NPY1R: variants seen among roughly 807,000 people sequenced by gnomAD.
The protein encoded by NPY1R is neuropeptide Y receptor Y1.
A neutral mutation model predicts 24.1 loss-of-function variants in NPY1R; 10 were observed. The ratio of observed to expected loss-of-function variants is 0.42; its 90% CI spans 0.26 to 0.71. NPY1R has a LOEUF of 0.71. Ranked by LOEUF, NPY1R falls within the 30% of genes least tolerant of loss-of-function variation. The probability of loss-of-function intolerance (pLI) is 0.28; values close to 1 mark genes in which losing one functional copy is unlikely to be tolerated. For synonymous variants in NPY1R, 168 were observed against 165.9 expected, an observed-to-expected ratio of 1.01 and a Z score of -0.10; for missense variants, 350 against 458.0, an observed-to-expected ratio of 0.76 and a Z score of 2.15.
rs1734604532 is a variant in NPY1R at position 163,326,255 on chromosome 4, G to A, written c.300C>T (p.Tyr100=). 2 of 1,614,026 alleles carry A rather than the reference G, an allele frequency of 1.2e-6. No homozygotes were observed. Among genetic ancestry groups the A allele is most frequent in the African/African-American group, 1.3e-5 (1 of 74,922 alleles). ...AIMCLPFTFV[Y]TLMDHWVFGE... ...CAAAGACCCAGTGGTCCATTAATGT[G>A]TAGACAAATGTAAAGGGGAGACACA... Residue 100 remains tyrosine, a synonymous_variant, in exon 2 of 3, where the codon TAC becomes TAT. Transcript: ENST00000296533.
intron 1 of NPY1R, among the ~76,000 whole-genome samples, chr4:163,329,616 AAG>A (rs946729386): frequency 6.6e-6 from 1 of 151,956 alleles, no homozygotes; most frequent in Non-Finnish European, 1.5e-5. Context: ...AAAAAAAAGA[AAG>A]AGAAACTGGG....
intron 1 of NPY1R, chr4:163,344,271 C>G (rs1203463477): frequency 6.6e-6 from 1 of 152,334 alleles, no homozygotes; most frequent in Admixed American, 6.5e-5. Flanking sequence ...TGAATTCTTT[C>G]GTGCCGAGCA....
upstream of NPY1R, among the ~76,000 whole-genome samples, chr4:163,334,861 GAAAAA>G (rs545497813): frequency 1.5e-5 from 1 of 66,906 alleles, no homozygotes; most frequent in African/African-American, 5.6e-5. Flanking sequence ...CTCTGTTTTG[GAAAAA>G]AAAAAAAAAA....
chr4:163,334,277 A>T (rs6536720), upstream of NPY1R, among the ~76,000 whole-genome samples: 134,804 of 152,296 alleles, frequency 0.89, 59,871 homozygotes, highest in East Asian at 0.99. Context: ...TGTAGAAACT[A>T]TTATTATGTC....
Position 163,325,258 on chromosome 4 carries a change from TGTTTTTA to T in NPY1R, c.*38_*44del. On this transcript the variant is annotated 3_prime_UTR_variant, in exon 3 of 3. Coordinates refer to ENST00000296533, the MANE Select transcript of NPY1R (RefSeq NM_000909.6). ...ATCAAAGTATGTTGCAGGTTGTGCT[TGTTTTTA>T]AACAGATGTCATCCGGGACCATAGG... The T allele has an allele frequency of 2.2e-6, 3 of 1,382,966 alleles. No individual in the cohort carries two copies. The highest frequency in any genetic ancestry group is 3.0e-6 in the Non-Finnish European group (3 of 1,000,232). The allele number at this position is 1,382,966 out of a possible 1,614,324, so 85.7% of individuals were successfully genotyped here. A position where few individuals can be genotyped will look rare whatever the true frequency, so the allele number is the denominator to read the frequency against.
upstream of NPY1R, among the ~76,000 whole-genome samples, chr4:163,336,680 A>T (rs1029695873): frequency 1.3e-5 from 2 of 152,198 alleles, no homozygotes; most frequent in African/African-American, 4.8e-5. Context: ...AAGGAGAAAG[A>T]CTGGGTGCAG....
At chr4:163,342,382 G>A (rs537367790) in intron 1 of NPY1R, among the ~76,000 whole-genome samples, 1 of 152,236 alleles carries the variant, frequency 6.6e-6, no homozygotes, top group Non-Finnish European at 1.5e-5. Context: ...AATTTATGTG[G>A]CAATGTGTAC....
chr4:163,342,117 G>A (rs1052081814), intron 1 of NPY1R, among the ~76,000 whole-genome samples: 8 of 152,164 alleles, frequency 5.3e-5, no homozygotes, highest in African/African-American at 1.9e-4. Context: ...TAGAATCTTT[G>A]TATCAGTGGC....
upstream of NPY1R, among the ~76,000 whole-genome samples, chr4:163,333,236 C>G (rs556285279): frequency 2.0e-5 from 3 of 150,998 alleles, no homozygotes; most frequent in African/African-American, 7.3e-5. Context: ...TAGGGGAGAA[C>G]CATGAGCTGA....
chr4:163,338,295 A>G (rs1288101618), intron 1 of NPY1R, among the ~76,000 whole-genome samples: 1 of 152,180 alleles, frequency 6.6e-6, no homozygotes, highest in Non-Finnish European at 1.5e-5. Context: ...AATTGCTCTA[A>G]ATATAGTCAA....
chr4:163,325,788 A>C lies in NPY1R; in HGVS notation c.700-30T>G, dbSNP rs765317545. On this transcript the variant is annotated intron_variant, in intron 2 of 2. Transcript: ENST00000296533. Reference sequence around the variant, plus strand: ...GGAAGAAAAAAGTTTAAATAGAAACACTCATTTGATGAGGAATTCTGTGTA... The same window carrying C: ...GGAAGAAAAAAGTTTAAATAGAAACCCTCATTTGATGAGGAATTCTGTGTA... The C allele has an allele frequency of 1.1e-4, 175 of 1,565,502 alleles. No homozygotes were observed. In the Admixed American group the frequency reaches 3.0e-3, roughly 27 times the overall value.
intron 1 of NPY1R, among the ~76,000 whole-genome samples, chr4:163,329,894 A>G (rs1160291105): frequency 6.6e-6 from 1 of 151,948 alleles, no homozygotes; most frequent in African/African-American, 2.4e-5. Flanking sequence ...TACAGACTGT[A>G]GAGCCTTTTT....
At chr4:163,344,321 C>T (rs1735116055) in exon 1 of NPY1R, 1 of 152,362 alleles carries the variant, frequency 6.6e-6, no homozygotes, top group South Asian at 2.1e-4. Context: ...GGAGCAGGCG[C>T]GGGCCGAACC....
Position 163,343,351 on chromosome 4 carries a change from G to T in NPY1R, c.-152+954C>A, listed in dbSNP as rs1405953481. Among the ~76,000 whole-genome samples, 4 of 151,978 alleles carry T rather than the reference G, an allele frequency of 2.6e-5. No homozygotes were observed. The East Asian group carries it at 7.8e-4, about 29-fold the overall frequency. ...GGGGAAACTTCCCTTCTATTCTGCT[G>T]GGCTCATTACCGCAGACGCTGTTGC... On this transcript the variant is annotated intron_variant, in intron 1 of 1. Transcript: ENST00000511901.
At chr4:163,339,887 T>A (rs1734936102) in intron 1 of NPY1R, among the ~76,000 whole-genome samples, 1 of 152,114 alleles carries the variant, frequency 6.6e-6, no homozygotes, top group Non-Finnish European at 1.5e-5. Flanking sequence ...CTCATATTTT[T>A]TTCTACCTGT....
chr4:163,343,458 T>C (rs1735062249), intron 1 of NPY1R, among the ~76,000 whole-genome samples: 1 of 152,068 alleles, frequency 6.6e-6, no homozygotes, highest in Admixed American at 6.5e-5. Context: ...GTGTTTTGTC[T>C]TTTTTCTTTC....
At chr4:163,337,164 A>C (rs983945833), upstream of NPY1R, among the ~76,000 whole-genome samples, 3 of 152,186 alleles carry the variant, frequency 2.0e-5, no homozygotes, top group African/African-American at 7.2e-5. Context: ...GAGTACACAC[A>C]TCTAAGGATG....
intron 1 of NPY1R, among the ~76,000 whole-genome samples, chr4:163,340,761 A>G (rs910819815): frequency 1.3e-5 from 2 of 152,122 alleles, no homozygotes; most frequent in African/African-American, 4.8e-5. Flanking sequence ...GTGTTCTGAT[A>G]AGTGTCTATT....
At position 163,324,327 on chromosome 4, in the gene NPY1R, T is replaced by G. The variant is rs1734554902; in HGVS notation, c.*976A>C. 1 of 152,604 alleles carries G rather than the reference T, an allele frequency of 6.6e-6. No individual in the cohort carries two copies. Among genetic ancestry groups the G allele is most frequent in the Non-Finnish European group, 1.5e-5 (1 of 68,010 alleles). The allele number at this position is 152,604 out of a possible 1,614,324, so 9.5% of individuals were successfully genotyped here. A position where few individuals can be genotyped will look rare whatever the true frequency, so the allele number is the denominator to read the frequency against. On this transcript the variant is annotated 3_prime_UTR_variant, in exon 3 of 3. Transcript: ENST00000296533. ...GTTACTTCCTTTGAAAGATGGACAT[T>G]GAAAGTTAAAAATCAGTCACTATAT...
Sources: allele counts gnomAD v4.1 joint callset (sites outside exome capture counted in the v4.1 genomes callset), GRCh38; gene constraint gnomAD v4.1.1; transcripts MANE v1.5; gene names NCBI Gene and HGNC (gene_info 2026-07-23, HGNC 2026-07-21).